The following IARS1 variants were observed in gnomAD, a reference collection of about 807,000 sequenced individuals.
IARS1 encodes the protein isoleucine--tRNA ligase, cytoplasmic.
A neutral mutation model predicts 168.2 loss-of-function variants in IARS1; 124 were observed. That is an observed-to-expected ratio of 0.74 (90% CI 0.64 to 0.86). The LOEUF (loss-of-function observed/expected upper bound fraction) is 0.86, where lower values mean the gene tolerates loss of function less well. Ranked by LOEUF, IARS1 falls within the 40% of genes least tolerant of loss-of-function variation. IARS1 has a pLI of 0.00. For synonymous variants in IARS1, 532 were observed against 529.4 expected (o/e 1.00, Z -0.07); for missense variants, 1,452 against 1,515.8 (o/e 0.96, Z 0.70).
At chr9:92,214,218 C>T (rs908797716) in intron 33 of IARS1, among the ~76,000 whole-genome samples, 6 of 151,736 alleles carry the variant, frequency 4.0e-5, no homozygotes, top group Non-Finnish European at 8.8e-5. Context: ...CATAACAGAA[C>T]AAGCAGAGCA....
At chr9:92,262,439 A>G (rs1157212186) in intron 17 of IARS1, among the ~76,000 whole-genome samples, 1 of 152,126 alleles carries the variant, frequency 6.6e-6, no homozygotes, top group Non-Finnish European at 1.5e-5. Context: ...TAATGACTAG[A>G]GGTAATAAAG....
chr9:92,219,223 T>C (rs1564154573), intron 33 of IARS1, among the ~76,000 whole-genome samples: 1 of 152,160 alleles, frequency 6.6e-6, no homozygotes, highest in Non-Finnish European at 1.5e-5. Flanking sequence ...TAGCCGTATG[T>C]AGAAAGCTGA....
rs1156406800 is a variant in IARS1, at chr9:92,242,244, G to A, written c.3087C>T (p.His1029=). 1 of 1,613,560 alleles carries A rather than the reference G, an allele frequency of 6.2e-7. No homozygotes were observed. Among genetic ancestry groups the A allele is most frequent in the Non-Finnish European group, 8.5e-7 (1 of 1,179,462 alleles). ...GTYLNSVIES[H]TEFIFTTIKA... is the part of the protein sequence containing the mutation. ...TTATGGTGGTAAATATGAACTCTGT[G>A]TGGCTTTCAATAACACTATTCAGAT... The change falls in exon 29 of 34, where the codon CAC becomes CAT. Residue 1029 remains histidine (H), a synonymous_variant. Transcript: ENST00000443024.
At chr9:92,236,699 A>G (rs1487335893) in intron 30 of IARS1, among the ~76,000 whole-genome samples, 1 of 152,186 alleles carries the variant, frequency 6.6e-6, no homozygotes, top group Non-Finnish European at 1.5e-5. Flanking sequence ...AAATACAAAA[A>G]TTCATCAGGC....
At chr9:92,265,793 G>A (rs1218987971) in intron 14 of IARS1, among the ~76,000 whole-genome samples, 1 of 151,836 alleles carries the variant, frequency 6.6e-6, no homozygotes, top group East Asian at 1.9e-4. Flanking sequence ...AAGTACCTGG[G>A]GCTACAGGCA....
rs184186784 is a variant in IARS1, at chr9:92,251,320, A to C, written c.2308-486T>G. 3.9e-5 allele frequency among the ~76,000 whole-genome samples: 6 copies of C among 152,336 alleles called. No homozygotes were observed. In the East Asian group the frequency reaches 1.2e-3, roughly 29 times the overall value. ...AAAGGAAACAGGATAAAAAGAATTAAAGTTGGAGCCGTTCCACTTTTATAT... is the reference window on the plus strand; with the variant it reads ...AAAGGAAACAGGATAAAAAGAATTACAGTTGGAGCCGTTCCACTTTTATAT... On this transcript the variant is annotated intron_variant, in intron 22 of 33. Transcript: ENST00000443024.
chr9:92,271,543 T>C lies in IARS1; in HGVS notation c.1103A>G (p.Gln368Arg). The change falls in exon 11 of 34, where the codon CAG becomes CGG. Residue 368 changes from glutamine to arginine, a missense_variant. Transcript: ENST00000443024. ...ATATGGATTACAGACCTTCACATAC[T>C]GTCCTGCGAAATCTGTCACCTCCGT... ...FTTEVTDFAG[Q>R]YVKDADKSII... 1 of 1,614,082 alleles carries C rather than the reference T, an allele frequency of 6.2e-7. No individual in the cohort carries two copies. The highest frequency in any genetic ancestry group is 8.5e-7 in the Non-Finnish European group (1 of 1,179,952).
At chr9:92,280,549 T>C (rs1458822965) in intron 7 of IARS1, among the ~76,000 whole-genome samples, 197 bp downstream of exon 7, 1 of 152,252 alleles carries the variant, frequency 6.6e-6, no homozygotes, top group African/African-American at 2.4e-5. Flanking sequence ...ACTTTTTATA[T>C]CTCTGTACTA....
At chr9:92,217,198 A>C (rs1838860941) in intron 33 of IARS1, among the ~76,000 whole-genome samples, 3 of 152,220 alleles carry the variant, frequency 2.0e-5, no homozygotes, top group Admixed American at 6.5e-5. Flanking sequence ...AAATGAAGGC[A>C]GAAATAAAGA....
chr9:92,280,603 G>A (rs1834401664), intron 7 of IARS1, 143 bp downstream of exon 7: 1 of 488,768 alleles, frequency 2.0e-6, no homozygotes, highest in African/African-American at 2.0e-5. Context: ...GAAAACAAAT[G>A]TTTAAAGTTA....
chr9:92,228,971 G>T, intron 31 of IARS1, 30 bp downstream of exon 31: 1 of 1,612,626 alleles, frequency 6.2e-7, no homozygotes, highest in Non-Finnish European at 8.5e-7. Flanking sequence ...TTGAGTCAAA[G>T]GACGTAGGCT....
rs1564156741 is a variant in IARS1 at position 92,223,367 on chromosome 9, G to A, written c.3532C>T (p.Leu1178Phe). ...TLLCQYINLQLLNAKPQECLM... is the reference protein window; with the variant it reads ...TLLCQYINLQFLNAKPQECLM... Reference sequence around the variant, plus strand: ...ATACCTTGTGGCTTTGCATTCAGGAGCTGTAGGTTGATATACTGACAAAGA... The same window carrying A: ...ATACCTTGTGGCTTTGCATTCAGGAACTGTAGGTTGATATACTGACAAAGA... Residue 1178 changes from leucine (L) to phenylalanine (F), a missense_variant, in exon 32 of 34, where the codon CTC becomes TTC. Transcript: ENST00000443024. The A allele has an allele frequency of 6.2e-7, 1 of 1,613,190 alleles. No individual in the cohort carries two copies.
intron 33 of IARS1, among the ~76,000 whole-genome samples, chr9:92,212,878 C>T (rs1837991193): frequency 6.6e-6 from 1 of 151,992 alleles, no homozygotes; most frequent in Non-Finnish European, 1.5e-5. Flanking sequence ...GAATAAGGAG[C>T]TTTGGGGGCT....
chr9:92,264,386 TG>T (rs1831981207), intron 16 of IARS1, among the ~76,000 whole-genome samples: 2 of 151,218 alleles, frequency 1.3e-5, no homozygotes, highest in South Asian at 4.2e-4. Context: ...AGCCAATCCA[TG>T]GAAAGAAAGT....
chr9:92,270,521 G>A (rs779538496), intron 12 of IARS1, among the ~76,000 whole-genome samples: 9 of 152,276 alleles, frequency 5.9e-5, no homozygotes, highest in East Asian at 1.9e-4. Flanking sequence ...TAGACCAGGC[G>A]CTGTGGCTCA....
intron 30 of IARS1, among the ~76,000 whole-genome samples, chr9:92,230,091 T>A (rs1826423859): frequency 6.6e-6 from 1 of 152,164 alleles, no homozygotes; most frequent in African/African-American, 2.4e-5. Context: ...GGACTTTTTT[T>A]ATTTGGCAAC....
intron 6 of IARS1, 108 bp downstream of exon 6, chr9:92,285,614 G>A: frequency 1.5e-6 from 1 of 676,624 alleles, no homozygotes; most frequent in Non-Finnish European, 2.7e-6. Context: ...TGGATGTCGT[G>A]GGCAACATTC....
In IARS1 at chr9:92,222,726, CAA is replaced by C. The variant is rs1587706188; in HGVS notation, c.3554-56_3554-55del. On this transcript the variant is annotated intron_variant, in intron 32 of 33. Coordinates refer to ENST00000443024, the MANE Select transcript of IARS1 (RefSeq NM_002161.6). ...ATCTCGAGAGTTCACCCTCTAGCTC[CAA>C]AAGAGGTGGCCACTGCGGACAGCTC... 37 of 1,594,180 alleles carry C rather than the reference CAA, an allele frequency of 2.3e-5. No individual in the cohort carries two copies. In the East Asian group the frequency reaches 8.3e-4, roughly 36 times the overall value.
intron 30 of IARS1, among the ~76,000 whole-genome samples, chr9:92,233,216 C>G (rs1035409628): frequency 6.6e-6 from 1 of 152,216 alleles, no homozygotes; most frequent in East Asian, 1.9e-4. Flanking sequence ...TCTTAGAAAT[C>G]TGATAGCCTG....
Sources: allele counts gnomAD v4.1 joint callset (sites outside exome capture counted in the v4.1 genomes callset), GRCh38; gene constraint gnomAD v4.1.1; transcripts MANE v1.5; gene names NCBI Gene and HGNC (gene_info 2026-07-23, HGNC 2026-07-21).